Variants in LUZP2 observed in about 807,000 individuals in gnomAD.
The protein encoded by LUZP2 is leucine zipper protein 2.
In LUZP2, 52 loss-of-function variants were observed where a neutral mutation model predicts 51.6. The ratio of observed to expected loss-of-function variants is 1.01; its 90% CI spans 0.81 to 1.27. The LOEUF (loss-of-function observed/expected upper bound fraction) is 1.27. LUZP2 is among the 50% of genes most tolerant of loss of function. LUZP2 has a pLI of 0.00. For missense variants in LUZP2, 436 were observed against 395.4 expected, an observed-to-expected ratio of 1.10 and a Z score of -0.87; for synonymous variants, 154 against 137.3, an observed-to-expected ratio of 1.12 and a Z score of -0.85.
At chr11:24,891,305 T>A (rs1228143345) in intron 5 of LUZP2, 2 of 972,508 alleles carry the variant, frequency 2.1e-6, no homozygotes, top group Admixed American at 6.2e-5. Flanking sequence ...AATACAATTA[T>A]AAGGAAGCCA....
At position 25,024,481 on chromosome 11, in the gene LUZP2, C is replaced by A. The variant is rs984038855; in HGVS notation, c.766-25557C>A. Among the ~76,000 whole-genome samples the A allele has an allele frequency of 2.0e-5, 3 of 152,230 alleles. No homozygotes were observed. In the South Asian group the frequency reaches 6.2e-4, roughly 32 times the overall value. ...ATACAAAATCAATGTGCAAAAATCA[C>A]AAGCATTCCTATACACCAATAACAG... is the stretch of plus-strand genomic sequence containing the variant. On this transcript the variant is annotated intron_variant, in intron 9 of 11. Transcript: ENST00000336930.
intron 5 of LUZP2, among the ~76,000 whole-genome samples, chr11:24,859,249 G>A (rs1487310140): frequency 1.3e-5 from 2 of 151,952 alleles, no homozygotes; most frequent in East Asian, 3.9e-4. Context: ...AGTTCATTAA[G>A]CATAAAATAA....
At chr11:24,708,349 C>T (rs183644828) in intron 1 of LUZP2, among the ~76,000 whole-genome samples, 3 of 152,292 alleles carry the variant, frequency 2.0e-5, no homozygotes, top group East Asian at 1.9e-4. Flanking sequence ...GTCAAATCAA[C>T]ACACAAAATC....
At chr11:24,735,692 C>G (rs958345702) in intron 3 of LUZP2, among the ~76,000 whole-genome samples, 1 of 151,672 alleles carries the variant, frequency 6.6e-6, no homozygotes, top group African/African-American at 2.4e-5. Flanking sequence ...GAATAATGGT[C>G]CTTTAAAATT....
At chr11:24,655,727 C>T (rs919195167) in intron 1 of LUZP2, among the ~76,000 whole-genome samples, 1 of 152,148 alleles carries the variant, frequency 6.6e-6, no homozygotes, top group Non-Finnish European at 1.5e-5. Context: ...TAGTGACCAG[C>T]CTGCTTGTCC....
chr11:25,028,222 T>C (rs969907681), intron 9 of LUZP2, among the ~76,000 whole-genome samples: 9 of 152,192 alleles, frequency 5.9e-5, no homozygotes, highest in Non-Finnish European at 1.3e-4. Context: ...ATTCCAGTTA[T>C]AGTCTTTCAT....
intron 5 of LUZP2, among the ~76,000 whole-genome samples, chr11:24,788,979 C>T (rs775247235): frequency 2.4e-4 from 37 of 152,306 alleles, no homozygotes; most frequent in Middle Eastern, 3.4e-3. Context: ...AATGTTTGAT[C>T]AAACTTCTGG....
intron 1 of LUZP2, among the ~76,000 whole-genome samples, chr11:24,503,344 A>G (rs1027690264): frequency 4.6e-5 from 7 of 152,218 alleles, no homozygotes; most frequent in Admixed American, 2.0e-4. Context: ...TACCGCTAAG[A>G]GTAGATGAAA....
intron 1 of LUZP2, among the ~76,000 whole-genome samples, chr11:24,715,425 C>T (rs911924350): frequency 2.6e-5 from 4 of 152,002 alleles, no homozygotes; most frequent in African/African-American, 9.7e-5. Context: ...ATAATTTGAA[C>T]CTCACCAACT....
chr11:24,796,491 CTG>C (rs57329413), intron 5 of LUZP2, among the ~76,000 whole-genome samples: 2,222 of 124,592 alleles, frequency 0.018, 37 homozygotes, highest in East Asian at 0.043. Flanking sequence ...TAATAATAAT[CTG>C]TGTGTGTGTG....
chr11:24,920,630 C>T (rs1364756423), intron 7 of LUZP2, among the ~76,000 whole-genome samples: 1 of 151,662 alleles, frequency 6.6e-6, no homozygotes, highest in Non-Finnish European at 1.5e-5. Context: ...ATGTCTTTTG[C>T]AGCAATACAG....
At chr11:24,630,810 T>C (rs1854861002) in intron 1 of LUZP2, among the ~76,000 whole-genome samples, 1 of 151,836 alleles carries the variant, frequency 6.6e-6, no homozygotes, top group Admixed American at 6.6e-5. Context: ...TTTAATAAGA[T>C]TGTTTCTTCT....
chr11:24,713,692 T>TC (rs1042119390), intron 1 of LUZP2, among the ~76,000 whole-genome samples: 1 of 143,006 alleles, frequency 7.0e-6, no homozygotes, highest in Admixed American at 7.0e-5. Context: ...TGTTTTTTTT[T>TC]TTTTTTTTTT....
At chr11:24,723,678 G>A (rs4412757) in intron 1 of LUZP2, among the ~76,000 whole-genome samples, 54,197 of 151,628 alleles carry the variant, frequency 0.36, 10,074 homozygotes, top group Non-Finnish European at 0.41. Context: ...AATTAAAAAA[G>A]CTTAGCCCTG....
intron 1 of LUZP2, among the ~76,000 whole-genome samples, chr11:24,688,948 G>A (rs1856980309): frequency 6.6e-6 from 1 of 152,082 alleles, no homozygotes; most frequent in African/African-American, 2.4e-5. Flanking sequence ...TTGTCTCACT[G>A]TAGTCAACAT....
At chr11:25,036,306 G>C (rs1415599829) in intron 9 of LUZP2, among the ~76,000 whole-genome samples, 1 of 152,006 alleles carries the variant, frequency 6.6e-6, no homozygotes, top group Non-Finnish European at 1.5e-5. Context: ...TCTGTGGGAT[G>C]AGTTGTAATA....
intron 5 of LUZP2, among the ~76,000 whole-genome samples, chr11:24,904,059 C>A (rs1054628831): frequency 6.6e-6 from 1 of 152,072 alleles, no homozygotes; most frequent in Non-Finnish European, 1.5e-5. Flanking sequence ...ATACTGTTTT[C>A]CGTAATGGCT....
At chr11:24,743,307 C>A (rs1003780565) in intron 4 of LUZP2, among the ~76,000 whole-genome samples, 1 of 152,028 alleles carries the variant, frequency 6.6e-6, no homozygotes, top group Non-Finnish European at 1.5e-5. Context: ...AATATTGATT[C>A]TACCCATCCA....
At chr11:24,992,247 T>C (rs16913516) in intron 9 of LUZP2, among the ~76,000 whole-genome samples, 8,387 of 152,132 alleles carry the variant, frequency 0.055, 575 homozygotes, top group African/African-American at 0.16. Context: ...CTTAGTGGGA[T>C]TGAATACTTA....
Sources: allele counts gnomAD v4.1 joint callset (sites outside exome capture counted in the v4.1 genomes callset), GRCh38; gene constraint gnomAD v4.1.1; transcripts MANE v1.5; gene names NCBI Gene and HGNC (gene_info 2026-07-23, HGNC 2026-07-21).